ELAVL4: variants seen among roughly 807,000 people sequenced by gnomAD.
The protein encoded by ELAVL4 is ELAV-like protein 4.
A neutral mutation model predicts 35.6 loss-of-function variants in ELAVL4; 1 was observed. That is an observed-to-expected ratio of 0.03 (90% confidence interval 0.01 to 0.13). The LOEUF is 0.13. ELAVL4 is among the 10% of genes least tolerant of loss of function. ELAVL4 has a pLI of 1.00. For synonymous variants in ELAVL4, 156 were observed against 171.0 expected, an observed-to-expected ratio of 0.91 and a Z score of 0.69; for missense variants, 267 against 464.9, an observed-to-expected ratio of 0.57 and a Z score of 3.91.
At chr1:50,121,483 A>C in intron 1 of ELAVL4, among the ~76,000 whole-genome samples, 1 of 152,174 alleles carries the variant, frequency 6.6e-6, no homozygotes, top group Admixed American at 6.6e-5. Flanking sequence ...GGTTAGTATT[A>C]TTTCATGAAT....
intron 1 of ELAVL4, among the ~76,000 whole-genome samples, chr1:50,065,550 CAAAT>C (rs1178949648): frequency 6.6e-6 from 1 of 152,046 alleles, no homozygotes; most frequent in African/African-American, 2.4e-5. Context: ...ATGAAATAAT[CAAAT>C]AATCCCTGCA....
chr1:50,178,406 A>G (rs1382158699), intron 3 of ELAVL4, among the ~76,000 whole-genome samples: 1 of 152,252 alleles, frequency 6.6e-6, no homozygotes, highest in South Asian at 2.1e-4. Context: ...CTGGAAGGTA[A>G]TCAAAACAAA....
At chr1:50,189,074 A>G (rs560961693) in intron 3 of ELAVL4, among the ~76,000 whole-genome samples, 84 of 152,334 alleles carry the variant, frequency 5.5e-4, no homozygotes, top group Non-Finnish European at 1.0e-3. Context: ...TTCTAATGCC[A>G]GTGTTTTTCT....
intron 3 of ELAVL4, among the ~76,000 whole-genome samples, chr1:50,181,908 C>T (rs1412982413): frequency 1.3e-5 from 2 of 152,224 alleles, no homozygotes; most frequent in Non-Finnish European, 2.9e-5. Flanking sequence ...GTTGCGAACT[C>T]CTGACCTCAG....
chr1:50,048,449 C>T (rs1350203014), intron 1 of ELAVL4, among the ~76,000 whole-genome samples: 6 of 152,282 alleles, frequency 3.9e-5, no homozygotes, highest in Non-Finnish European at 8.8e-5. Flanking sequence ...CCTGAGACTT[C>T]CCGGCCCCAG....
chr1:50,075,612 G>T (rs897266449), intron 1 of ELAVL4, among the ~76,000 whole-genome samples: 6 of 152,132 alleles, frequency 3.9e-5, no homozygotes, highest in Non-Finnish European at 4.4e-5. Flanking sequence ...ACCACAGTGG[G>T]TTTTTTGTAT....
At chr1:50,108,091 AT>A (rs1666500841), upstream of ELAVL4, among the ~76,000 whole-genome samples, 1 of 152,194 alleles carries the variant, frequency 6.6e-6, no homozygotes, top group Non-Finnish European at 1.5e-5. Flanking sequence ...GTTTTAGTGG[AT>A]TTTTAAAAAT....
intron 1 of ELAVL4, among the ~76,000 whole-genome samples, chr1:50,136,377 T>G (rs1445455763): frequency 6.6e-6 from 1 of 152,102 alleles, no homozygotes; most frequent in Non-Finnish European, 1.5e-5. Flanking sequence ...AAGGGTTAAG[T>G]GGGAAATTCC....
intron 1 of ELAVL4, among the ~76,000 whole-genome samples, chr1:50,123,423 A>C (rs1167861457): frequency 6.6e-6 from 1 of 152,038 alleles, no homozygotes; most frequent in Non-Finnish European, 1.5e-5. Flanking sequence ...CACTAGTGCT[A>C]AAAATACCTG....
chr1:50,053,655 T>C (rs1423309575), intron 1 of ELAVL4, among the ~76,000 whole-genome samples: 1 of 152,220 alleles, frequency 6.6e-6, no homozygotes, highest in African/African-American at 2.4e-5. Flanking sequence ...ATTCAGTGAA[T>C]GTTTATTGAG....
chr1:50,145,419 T>A (rs1673529142), intron 2 of ELAVL4, among the ~76,000 whole-genome samples: 1 of 152,228 alleles, frequency 6.6e-6, no homozygotes, highest in Non-Finnish European at 1.5e-5. Flanking sequence ...TTCATCTTCA[T>A]GTAAAATGAT....
chr1:50,108,830 T>A, upstream of ELAVL4: 1 of 842,072 alleles, frequency 1.2e-6, no homozygotes, highest in Non-Finnish European at 1.4e-6. Flanking sequence ...CACCTGATGT[T>A]GCAACGCCTC....
chr1:50,106,431 C>A, upstream of ELAVL4: 2 of 1,533,018 alleles, frequency 1.3e-6, no homozygotes, highest in Non-Finnish European at 1.8e-6. Context: ...CCCCACAGTG[C>A]TGGGATATCA....
rs565498353 is a variant in ELAVL4, at chr1:50,069,223, G to A, written c.18+21041G>A. 2.0e-5 allele frequency among the ~76,000 whole-genome samples: 3 copies of A among 152,254 alleles called. No homozygotes were observed. In the East Asian group the frequency reaches 5.8e-4, roughly 29 times the overall value. On this transcript the variant is annotated intron_variant, in intron 1 of 6. Transcript: ENST00000448907. Reference sequence around the variant, plus strand: ...TTTGGATGGAGACCTAGCCACTGTGGTGACAAGGACACCTCATTCTCTGTG... The same window carrying A: ...TTTGGATGGAGACCTAGCCACTGTGATGACAAGGACACCTCATTCTCTGTG...
At chr1:50,183,955 C>CA (rs2148852075) in intron 3 of ELAVL4, among the ~76,000 whole-genome samples, 1 of 152,200 alleles carries the variant, frequency 6.6e-6, no homozygotes, top group East Asian at 1.9e-4. Context: ...ACAACCTGGG[C>CA]GAGAATGCTT....
At chr1:50,110,660 C>A (rs779438121) in intron 1 of ELAVL4, among the ~76,000 whole-genome samples, 18 of 152,156 alleles carry the variant, frequency 1.2e-4, no homozygotes, top group Non-Finnish European at 1.6e-4. Context: ...GGTTTCAGAG[C>A]TGGGTATGGG....
chr1:50,119,529 C>G (rs1418731758), intron 1 of ELAVL4, among the ~76,000 whole-genome samples: 1 of 151,946 alleles, frequency 6.6e-6, no homozygotes, highest in East Asian at 1.9e-4. Context: ...AATCTCAGTT[C>G]CTTCTTTTTT....
At chr1:50,177,017 G>GCTCT (rs370190437) in intron 2 of ELAVL4, 72 bp from the exon 3 acceptor site, 3 of 1,184,972 alleles carry the variant, frequency 2.5e-6, no homozygotes, top group Non-Finnish European at 3.7e-6. Context: ...TACTGAGCAT[G>GCTCT]CTCTCTCTCT....
chr1:50,154,968 G>A (rs961941986), intron 2 of ELAVL4, among the ~76,000 whole-genome samples: 1 of 151,960 alleles, frequency 6.6e-6, no homozygotes, highest in African/African-American at 2.4e-5. Flanking sequence ...AGGAAATTTA[G>A]TAAATTAATT....
Sources: gnomAD v4.1 joint callset for allele counts (sites outside exome capture counted in the v4.1 genomes callset) on GRCh38, gnomAD v4.1.1 for gene constraint, MANE v1.5 for transcripts, NCBI Gene and HGNC (gene_info 2026-07-23, HGNC 2026-07-21) for gene names.